Variants in NBEAL1 observed in about 807,000 individuals in gnomAD.
NBEAL1 encodes neurobeachin like 1.
A neutral mutation model predicts 351.3 loss-of-function variants in NBEAL1; 273 were observed. The ratio of observed to expected loss-of-function variants is 0.78; its 90% confidence interval spans 0.70 to 0.86. NBEAL1 has a LOEUF of 0.86. Among genes scored for constraint, NBEAL1 ranks in the 40% least tolerant of loss-of-function variants. The pLI, the probability that NBEAL1 is intolerant of heterozygous loss-of-function variation, is 0.00. For synonymous variants in NBEAL1, 1,050 were observed against 1,086.4 expected (o/e 0.97, Z 0.66); for missense variants, 2,961 against 3,201.3 (o/e 0.92, Z 1.81).
At chr2:203,043,095 C>T (rs2061169634) in intron 3 of NBEAL1, among the ~76,000 whole-genome samples, 1 of 152,166 alleles carries the variant, frequency 6.6e-6, no homozygotes, top group South Asian at 2.1e-4. Flanking sequence ...CTTTATTATA[C>T]AATAGGCATG....
At chr2:203,112,287 A>G (rs2062591326) in intron 16 of NBEAL1, among the ~76,000 whole-genome samples, 189 bp downstream of exon 16, 1 of 152,246 alleles carries the variant, frequency 6.6e-6, no homozygotes, top group African/African-American at 2.4e-5. Flanking sequence ...AAGTCAGACA[A>G]TGTGAAAAAA....
chr2:203,207,079 C>G (rs1281129413), intron 51 of NBEAL1, among the ~76,000 whole-genome samples: 2 of 146,528 alleles, frequency 1.4e-5, no homozygotes, highest in Non-Finnish European at 3.0e-5. Flanking sequence ...TCGCCCCGTC[C>G]GGGATGTGAG....
chr2:203,026,619 A>T (rs1447636897), intron 2 of NBEAL1, among the ~76,000 whole-genome samples: 1 of 151,800 alleles, frequency 6.6e-6, no homozygotes, highest in Non-Finnish European at 1.5e-5. Context: ...GGTTCAAGCA[A>T]TTCTCCTGCC....
At chr2:203,083,976 CTGTGTGTGTGTGTGTGTGTGTGTG>C (rs59252809) in intron 9 of NBEAL1, among the ~76,000 whole-genome samples, 1 of 134,106 alleles carries the variant, frequency 7.5e-6, no homozygotes, top group Non-Finnish European at 1.6e-5. Flanking sequence ...TCCTCAGAGC[CTGTGTGTGTGTGTGTGTGTGTGTG>C]TGTGTGTGTG....
chr2:203,056,292 T>C, intron 4 of NBEAL1, 135 bp from the exon 5 acceptor site: 1 of 657,352 alleles, frequency 1.5e-6, no homozygotes, highest in Non-Finnish European at 2.8e-6. Flanking sequence ...TATAACCATA[T>C]TGATTTTTAT....
intron 31 of NBEAL1, among the ~76,000 whole-genome samples, chr2:203,143,174 T>C (rs2063424329): frequency 6.6e-6 from 1 of 152,250 alleles, no homozygotes; most frequent in Non-Finnish European, 1.5e-5. Flanking sequence ...TTTCCTGCTT[T>C]AATTTTAAGA....
intron 43 of NBEAL1, chr2:203,182,150 C>T (rs746141543): frequency 6.6e-6 from 1 of 152,248 alleles, no homozygotes; most frequent in Admixed American, 6.5e-5. Context: ...ATTGTGCAAA[C>T]AAGGAAATTT....
At chr2:203,130,197 T>C (rs994842736) in intron 24 of NBEAL1, 121 bp from the exon 25 acceptor site, 11 of 930,910 alleles carry the variant, frequency 1.2e-5, no homozygotes, top group East Asian at 3.2e-5. Flanking sequence ...ATATCAGATA[T>C]AGTGAAGTTA....
intron 29 of NBEAL1, among the ~76,000 whole-genome samples, chr2:203,137,710 A>G (rs1329134180): frequency 6.6e-6 from 1 of 152,198 alleles, no homozygotes; most frequent in Non-Finnish European, 1.5e-5. Flanking sequence ...TAGGCCTGGC[A>G]TGGTGGCTCA....
intron 2 of NBEAL1, among the ~76,000 whole-genome samples, chr2:203,017,546 T>G (rs2060701061): frequency 6.6e-6 from 1 of 152,120 alleles, no homozygotes; most frequent in Admixed American, 6.5e-5. Context: ...AAAAAAGGAA[T>G]CCAATTCACC....
chr2:203,057,422 C>T lies in NBEAL1; in HGVS notation c.484C>T (p.Pro162Ser). Reference protein sequence around the residue: ...ALAFCESLYDPYRNWRHRISG... With the variant: ...ALAFCESLYDSYRNWRHRISG... ...GGCATTTTGTGAAAGCTTATATGAT[C>T]CATATCGGAATTGGAGACATAGAAT... The change falls in exon 6 of 56, where the codon CCA (proline) becomes TCA (serine). Residue 162 changes from proline to serine, a missense_variant. Coordinates refer to ENST00000683969, the MANE Select transcript of NBEAL1 (RefSeq NM_001378026.1). 1 of 1,551,836 alleles carries T rather than the reference C, an allele frequency of 6.4e-7. No individual in the cohort carries two copies. Among genetic ancestry groups the T allele is most frequent in the Non-Finnish European group, 8.7e-7 (1 of 1,146,164 alleles).
At chr2:203,179,425 G>C (rs1177692942) in intron 42 of NBEAL1, among the ~76,000 whole-genome samples, 1 of 152,142 alleles carries the variant, frequency 6.6e-6, no homozygotes, top group Admixed American at 6.5e-5. Context: ...CATTATGATG[G>C]TGCCTGTGAA....
chr2:203,110,241 A>C lies in NBEAL1; in HGVS notation c.2041A>C (p.Thr681Pro). The change falls in exon 15 of 56, where the codon ACG becomes CCG. Residue 681 changes from threonine to proline, a missense_variant. Thr to Pro is a conservative substitution (Grantham distance 38). Coordinates refer to ENST00000683969, the MANE Select transcript of NBEAL1 (RefSeq NM_001378026.1). The stretch of plus-strand genomic sequence containing the variant: ...AGTGTGCACAAAAAGAGAATATGCA[A>C]CGGTTATGCTTCCTGACCACAGTTT... ...VAVCTKREYA[T>P]VMLPDHSFCD... 1 of 1,553,044 alleles carries C rather than the reference A, an allele frequency of 6.4e-7. No individual in the cohort carries two copies. Among genetic ancestry groups the C allele is most frequent in the Non-Finnish European group, 8.7e-7 (1 of 1,147,258 alleles).
At chr2:203,168,412 A>G (rs1173914120) in intron 38 of NBEAL1, among the ~76,000 whole-genome samples, 6 of 151,496 alleles carry the variant, frequency 4.0e-5, no homozygotes, top group Admixed American at 1.3e-4. Context: ...ATGGTGAAAC[A>G]CCATCTCTAC....
intron 35 of NBEAL1, among the ~76,000 whole-genome samples, chr2:203,153,767 T>A (rs568253425): frequency 3.3e-5 from 5 of 152,322 alleles, no homozygotes; most frequent in African/African-American, 1.2e-4. Context: ...TAAATGACTT[T>A]AATAGTTACT....
At chr2:203,145,188 T>G in intron 33 of NBEAL1, 28 bp downstream of exon 33, 1 of 1,581,532 alleles carries the variant, frequency 6.3e-7, no homozygotes, top group African/African-American at 1.4e-5. Context: ...TAATATCTAG[T>G]TTTTCTTGTT....
chr2:203,028,985 A>G (rs893884595), intron 2 of NBEAL1, among the ~76,000 whole-genome samples: 6 of 152,110 alleles, frequency 3.9e-5, no homozygotes, highest in Non-Finnish European at 7.4e-5. Context: ...TCCCAGAAAC[A>G]CCTGCATCAG....
chr2:203,048,505 T>G (rs1020627294), intron 3 of NBEAL1, among the ~76,000 whole-genome samples: 5 of 152,286 alleles, frequency 3.3e-5, no homozygotes, highest in Middle Eastern at 3.4e-3. Flanking sequence ...TTCTCTGGTT[T>G]TGGTTGTGTG....
intron 52 of NBEAL1, 36 bp downstream of exon 52, chr2:203,208,789 G>T: frequency 6.9e-7 from 1 of 1,458,310 alleles, no homozygotes; most frequent in Non-Finnish European, 9.4e-7. Flanking sequence ...TATTTATTTT[G>T]TCTACAAATT....
Sources: allele counts gnomAD v4.1 joint callset (sites outside exome capture counted in the v4.1 genomes callset), GRCh38; gene constraint gnomAD v4.1.1; transcripts MANE v1.5; gene names NCBI Gene and HGNC (gene_info 2026-07-23, HGNC 2026-07-21).